ZNF846: variants seen among roughly 807,000 people sequenced by gnomAD.
ZNF846 encodes the protein zinc finger protein 420 pseudogene.
ZNF846 carries 15 observed loss-of-function variants against 16.0 expected under a neutral mutation model. The observed-to-expected ratio is 0.94, with a 90% CI of 0.63 to 1.45. The LOEUF (loss-of-function observed/expected upper bound fraction) is 1.45, where lower values mean the gene tolerates loss of function less well. Ranked by LOEUF, ZNF846 falls within the 40% of genes most tolerant of loss-of-function variation. ZNF846 has a pLI of 0.00. For missense variants in ZNF846, 714 were observed against 622.3 expected (o/e 1.15, Z -1.57); for synonymous variants, 229 against 212.0 (o/e 1.08, Z -0.70).
chr19:9,749,503 A>G (rs1002183922), downstream of ZNF846, among the ~76,000 whole-genome samples: 2 of 150,312 alleles, frequency 1.3e-5, no homozygotes, highest in African/African-American at 4.9e-5. Flanking sequence ...TAATATCTTC[A>G]GTGGCAAGAT....
rs1295880354 is a variant in ZNF846 at position 9,757,730 on chromosome 19, G to T, written c.1347C>A (p.Ala449=). ...CTTTACCGCATTCCTTACATTCACAGGCCTTTTCTCCAGTGTGAGTTCTTA... is the reference window on the plus strand; with the variant it reads ...CTTTACCGCATTCCTTACATTCACATGCCTTTTCTCCAGTGTGAGTTCTTA... The change falls in exon 6 of 6, where the codon GCC becomes GCA. Residue 449 remains alanine (A), a synonymous_variant. Transcript: ENST00000397902. 2.5e-6 allele frequency: 4 copies of T among 1,613,198 alleles called. No homozygotes were observed. In the African/African-American group the frequency reaches 5.4e-5, roughly 22 times the overall value.
At chr19:9,769,354 C>G (rs1352187799), upstream of ZNF846, among the ~76,000 whole-genome samples, 1 of 152,044 alleles carries the variant, frequency 6.6e-6, no homozygotes, top group African/African-American at 2.4e-5. Flanking sequence ...GCAGCTTGGA[C>G]CACAGGTGTG....
exon 6 of ZNF846, chr19:9,757,917 G>A: frequency 6.2e-7 from 1 of 1,613,494 alleles, no homozygotes; most frequent in Non-Finnish European, 8.5e-7. Flanking sequence ...TCCAGTATGT[G>A]TTCTCATGTG....
chr19:9,782,656 A>G (rs947404970), intron 1 of ZNF846, among the ~76,000 whole-genome samples: 9 of 152,228 alleles, frequency 5.9e-5, no homozygotes, highest in Admixed American at 5.2e-4. Flanking sequence ...AGGGGAAGAA[A>G]GCCAACTAAA....
At chr19:9,765,428 T>G (rs1011322312) in intron 1 of ZNF846, among the ~76,000 whole-genome samples, 5 of 151,628 alleles carry the variant, frequency 3.3e-5, no homozygotes, top group African/African-American at 1.2e-4. Context: ...ATCCCAGCAC[T>G]TTGGGAGGCC....
chr19:9,779,065 T>C (rs908924105), intron 1 of ZNF846, among the ~76,000 whole-genome samples: 1 of 152,154 alleles, frequency 6.6e-6, no homozygotes, highest in Non-Finnish European at 1.5e-5. Context: ...TCTCTGTGCA[T>C]AATATTTTTC....
chr19:9,783,940 C>G (rs551579728), intron 1 of ZNF846, among the ~76,000 whole-genome samples: 2 of 152,172 alleles, frequency 1.3e-5, no homozygotes, highest in African/African-American at 2.4e-5. Context: ...TGAGCTCAAG[C>G]GATCTGCCCG....
At chr19:9,763,974 T>C (rs147452316) in intron 2 of ZNF846, among the ~76,000 whole-genome samples, 1 of 152,248 alleles carries the variant, frequency 6.6e-6, no homozygotes, top group Non-Finnish European at 1.5e-5. Flanking sequence ...CAATGCCAGG[T>C]TGGACTGCCA....
chr19:9,772,893 T>C (rs192699751), upstream of ZNF846, among the ~76,000 whole-genome samples: 100 of 152,060 alleles, frequency 6.6e-4, no homozygotes, highest in Non-Finnish European at 2.5e-4. Flanking sequence ...CTGGGCAACA[T>C]GTTGAAACCC....
At chr19:9,784,146 A>G (rs1384910591) in intron 1 of ZNF846, among the ~76,000 whole-genome samples, 2 of 152,102 alleles carry the variant, frequency 1.3e-5, no homozygotes, top group East Asian at 3.8e-4. Context: ...AATAAGACAC[A>G]AAGTATAGAG....
chr19:9,753,371 C>A (rs1043565922), downstream of ZNF846, among the ~76,000 whole-genome samples: 2 of 150,944 alleles, frequency 1.3e-5, no homozygotes, highest in Non-Finnish European at 2.9e-5. Flanking sequence ...CCTGCCTCAG[C>A]CTCCTGGATA....
At position 9,758,147 on chromosome 19, in the gene ZNF846, A is replaced by G. The variant is rs747448509; in HGVS notation, c.930T>C (p.Tyr310=). 8 of 1,613,490 alleles carry G rather than the reference A, an allele frequency of 5.0e-6. No individual in the cohort carries two copies. The African/African-American group carries it at 1.1e-4, about 22-fold the overall frequency. Reference sequence around the variant, plus strand: ...AGGCTTTTCCACATTCCATACATACATAGGGCTTCTTTCCACTGTGGATTC... The same window carrying G: ...AGGCTTTTCCACATTCCATACATACGTAGGGCTTCTTTCCACTGTGGATTC... The change falls in exon 6 of 6, where the codon TAT becomes TAC. Residue 310 remains tyrosine, a synonymous_variant. Coordinates refer to ENST00000397902, the Ensembl canonical transcript of ZNF846.
upstream of ZNF846, among the ~76,000 whole-genome samples, chr19:9,770,799 G>T (rs1301657464): frequency 6.6e-6 from 1 of 152,020 alleles, no homozygotes; most frequent in Non-Finnish European, 1.5e-5. Flanking sequence ...AACCTGGGAG[G>T]CGGAGGTTGC....
chr19:9,753,229 T>TTTATTTA (rs1008867100), downstream of ZNF846, among the ~76,000 whole-genome samples: 1 of 112,274 alleles, frequency 8.9e-6, no homozygotes, highest in Non-Finnish European at 2.0e-5. Context: ...AATTTATTTA[T>TTTATTTA]TTATTTATTT....
At chr19:9,777,753 T>C (rs1321376244) in intron 1 of ZNF846, among the ~76,000 whole-genome samples, 6 of 152,088 alleles carry the variant, frequency 3.9e-5, no homozygotes, top group Non-Finnish European at 8.8e-5. Context: ...TTTTAGCACT[T>C]TGGGAGGCCA....
At chr19:9,760,049 T>C (rs1299452073) in intron 4 of ZNF846, 107 bp from the exon 5 acceptor site, 3 of 760,208 alleles carry the variant, frequency 3.9e-6, no homozygotes, top group Non-Finnish European at 6.6e-6. Context: ...CCTAGCACTT[T>C]TGGAGGCCTA....
At chr19:9,757,858 A>G in exon 6 of ZNF846, 2 of 1,612,500 alleles carry the variant, frequency 1.2e-6, no homozygotes, top group Non-Finnish European at 1.7e-6. Flanking sequence ...CTAAGCATTG[A>G]GGAATTATTA....
At chr19:9,775,005 GC>G in intron 1 of ZNF846, 1 of 1,556,080 alleles carries the variant, frequency 6.4e-7, no homozygotes, top group South Asian at 1.1e-5. Context: ...GAGGCCCCAT[GC>G]AGTGCATTCA....
At chr19:9,754,241 T>C (rs902284314), downstream of ZNF846, among the ~76,000 whole-genome samples, 3 of 151,558 alleles carry the variant, frequency 2.0e-5, no homozygotes, top group Non-Finnish European at 4.4e-5. Context: ...TTCCATTATT[T>C]AACTTTCAAC....
Sources: allele counts gnomAD v4.1 joint callset (sites outside exome capture counted in the v4.1 genomes callset), GRCh38; gene constraint gnomAD v4.1.1; transcripts MANE v1.5; gene names NCBI Gene and HGNC (gene_info 2026-07-23, HGNC 2026-07-21).